The following RFC1 variants were observed in gnomAD, a reference collection of about 807,000 sequenced individuals.
RFC1 encodes the protein A1 140 kDa subunit.
Under a neutral mutation model 137.4 loss-of-function variants are expected in RFC1, and 37 were observed. That is an observed-to-expected ratio of 0.27 (90% CI 0.21 to 0.35). RFC1 has a LOEUF of 0.35. RFC1 is among the 10% of genes least tolerant of loss of function. RFC1 has a pLI of 1.00. For synonymous variants in RFC1, 429 were observed against 455.7 expected (o/e 0.94, Z 0.75); for missense variants, 1,205 against 1,358.5 (o/e 0.89, Z 1.78).
rs1482464262 is a variant in RFC1, at chr4:39,300,264, C to A, written c.2686G>T (p.Ala896Ser). The A allele has an allele frequency of 1.9e-6, 3 of 1,614,126 alleles. No individual in the cohort carries two copies. The highest frequency in any genetic ancestry group is 1.7e-5 in the Admixed American group (1 of 60,016). ...ENYIHVKPVA[A>S]GGDMKKHLML... ...TCACCAGCTCTGGACACTCACCCTG[C>A]TGCTACAGGCTTCACGTGTATGTAA... is the stretch of plus-strand genomic sequence containing the variant. Residue 896 changes from alanine to serine, a missense_variant, in exon 20 of 25, where the codon GCA becomes TCA. Physicochemically the swap from Ala to Ser is moderately conservative, Grantham distance 99 (BLOSUM62 1). Coordinates refer to ENST00000349703, the MANE Select transcript of RFC1 (RefSeq NM_002913.5).
At chr4:39,365,808 C>T (rs889244380) in intron 1 of RFC1, among the ~76,000 whole-genome samples, 3 of 152,166 alleles carry the variant, frequency 2.0e-5, no homozygotes, top group African/African-American at 7.2e-5. Context: ...ACAACATATT[C>T]CCTAAGAAAG....
At chr4:39,359,679 A>G (rs1364784636) in intron 1 of RFC1, among the ~76,000 whole-genome samples, 2 of 151,974 alleles carry the variant, frequency 1.3e-5, no homozygotes, top group African/African-American at 4.8e-5. Context: ...AAAATTAGCC[A>G]GGCATGGTGG....
At chr4:39,351,741 C>G (rs1044920404) in intron 1 of RFC1, among the ~76,000 whole-genome samples, 1 of 152,062 alleles carries the variant, frequency 6.6e-6, no homozygotes, top group Non-Finnish European at 1.5e-5. Context: ...GTGGGTGGAT[C>G]ACTTGAGGTC....
At chr4:39,301,097 AAAACCAAAAAAAAC>A (rs1326524249) in intron 19 of RFC1, among the ~76,000 whole-genome samples, 52 of 152,010 alleles carry the variant, frequency 3.4e-4, no homozygotes, top group African/African-American at 1.2e-3. Context: ...CGAAAAAAAA[AAAACCAAAAAAAAC>A]AAAAACAAAA....
At chr4:39,300,465 T>A in intron 19 of RFC1, 51 bp from the exon 20 acceptor site, 1 of 1,337,388 alleles carries the variant, frequency 7.5e-7, no homozygotes, top group Non-Finnish European at 1.1e-6. Context: ...TTCAAAACGG[T>A]AACATCACCA....
At chr4:39,312,420 AC>A (rs1392545642) in intron 11 of RFC1, among the ~76,000 whole-genome samples, 2 of 152,218 alleles carry the variant, frequency 1.3e-5, no homozygotes, top group African/African-American at 4.8e-5. Flanking sequence ...ATTTAAAAAA[AC>A]CTAAGATGGT....
chr4:39,343,005 T>C (rs1487579748), intron 3 of RFC1, among the ~76,000 whole-genome samples: 1 of 152,166 alleles, frequency 6.6e-6, no homozygotes, highest in Non-Finnish European at 1.5e-5. Flanking sequence ...ACTGAGCCCA[T>C]CCAAATAATC....
chr4:39,358,729 G>C (rs999788343), intron 1 of RFC1, among the ~76,000 whole-genome samples: 2 of 152,060 alleles, frequency 1.3e-5, no homozygotes, highest in Non-Finnish European at 2.9e-5. Flanking sequence ...TATTTTCCAC[G>C]GAAATACGAA....
chr4:39,330,978 C>G (rs933561968), intron 4 of RFC1, among the ~76,000 whole-genome samples: 2 of 151,966 alleles, frequency 1.3e-5, no homozygotes, highest in Non-Finnish European at 2.9e-5. Flanking sequence ...CTTTGCCAGA[C>G]GGGAAAAAGG....
At chr4:39,347,771 A>G (rs187195090) in intron 2 of RFC1, among the ~76,000 whole-genome samples, 147 of 152,356 alleles carry the variant, frequency 9.6e-4, no homozygotes, top group African/African-American at 3.4e-3. Flanking sequence ...ATATATCATC[A>G]TGAACAGAAT....
At chr4:39,330,111 T>C (rs1441517755) in intron 4 of RFC1, among the ~76,000 whole-genome samples, 1 of 152,048 alleles carries the variant, frequency 6.6e-6, no homozygotes, top group Non-Finnish European at 1.5e-5. Context: ...GTTCACTGTA[T>C]CAATTTGGTA....
intron 9 of RFC1, 32 bp from the exon 10 acceptor site, chr4:39,317,054 G>C: frequency 7.1e-7 from 1 of 1,398,868 alleles, no homozygotes; most frequent in Non-Finnish European, 1.0e-6. Context: ...AATGAACAAA[G>C]TCATACAGAA....
At chr4:39,299,885 A>C in intron 21 of RFC1, 136 bp downstream of exon 21, 3 of 619,162 alleles carry the variant, frequency 4.8e-6, no homozygotes, top group Non-Finnish European at 2.8e-6. Flanking sequence ...ACTACACTCC[A>C]GCCCGGGCAA....
chr4:39,359,293 T>G (rs1741630833), intron 1 of RFC1, among the ~76,000 whole-genome samples: 1 of 152,196 alleles, frequency 6.6e-6, no homozygotes, highest in Non-Finnish European at 1.5e-5. Context: ...TTGAGCACTT[T>G]TAAAATATAA....
chr4:39,351,606 C>A, intron 1 of RFC1, 130 bp from the exon 2 acceptor site: 1 of 660,080 alleles, frequency 1.5e-6, no homozygotes, highest in Middle Eastern at 4.3e-4. Context: ...CAAGATAGTT[C>A]CACGAATATA....
intron 13 of RFC1, 149 bp downstream of exon 13, chr4:39,308,487 G>C: frequency 9.6e-7 from 1 of 1,041,214 alleles, no homozygotes; most frequent in Non-Finnish European, 1.4e-6. Context: ...CCACCAGCAG[G>C]GTCTAGTACT....
intron 1 of RFC1, among the ~76,000 whole-genome samples, chr4:39,363,984 G>A (rs949428191): frequency 1.2e-4 from 18 of 151,340 alleles, no homozygotes; most frequent in African/African-American, 4.4e-4. Context: ...GGAGGCCAGG[G>A]TGGAAGGATC....
intron 10 of RFC1, among the ~76,000 whole-genome samples, chr4:39,316,106 T>C (rs1445764337): frequency 2.6e-5 from 4 of 152,180 alleles, no homozygotes. Context: ...GGCGCACGCC[T>C]GTAATCCCAG....
chr4:39,315,866 G>A (rs1040768187), intron 10 of RFC1, among the ~76,000 whole-genome samples: 3 of 152,108 alleles, frequency 2.0e-5, no homozygotes, highest in African/African-American at 7.2e-5. Context: ...CCCATCCACA[G>A]CACTTGGTAC....
Sources: allele counts gnomAD v4.1 joint callset (sites outside exome capture counted in the v4.1 genomes callset), GRCh38; gene constraint gnomAD v4.1.1; transcripts MANE v1.5; gene names NCBI Gene and HGNC (gene_info 2026-07-23, HGNC 2026-07-21).